The following RBPJ variants were observed in gnomAD, a reference collection of about 807,000 sequenced individuals.
The protein encoded by RBPJ is recombination signal binding protein for immunoglobulin kappa J region.
A neutral mutation model predicts 67.8 loss-of-function variants in RBPJ; 9 were observed. The observed-to-expected ratio is 0.13, with a 90% CI of 0.08 to 0.23. The LOEUF (loss-of-function observed/expected upper bound fraction) is 0.23, where lower values mean the gene tolerates loss of function less well. Among genes scored for constraint, RBPJ ranks in the 10% least tolerant of loss-of-function variants. The pLI is 1.00. For synonymous variants in RBPJ, 198 were observed against 203.3 expected, an observed-to-expected ratio of 0.97 and a Z score of 0.22; for missense variants, 305 against 595.6, an observed-to-expected ratio of 0.51 and a Z score of 5.08.
At chr4:26,199,139 G>A (rs946075228) in intron 1 of RBPJ, among the ~76,000 whole-genome samples, 6 of 152,176 alleles carry the variant, frequency 3.9e-5, no homozygotes, top group Non-Finnish European at 5.9e-5. Context: ...TCATCTGAGA[G>A]AAGTGATTAA....
the RBPJ span, among the ~76,000 whole-genome samples, chr4:26,153,966 T>G: frequency 7.4e-4 from 112 of 152,136 alleles, no homozygotes; most frequent in African/African-American, 2.6e-3. Flanking sequence ...AAGTTTCAGA[T>G]TTTGGAACAT....
intron 1 of RBPJ, among the ~76,000 whole-genome samples, chr4:26,352,472 A>G (rs890193070): frequency 9.9e-5 from 15 of 152,222 alleles, no homozygotes; most frequent in African/African-American, 3.6e-4. Context: ...GTAGGGGGAC[A>G]CAAACATTCA....
chr4:26,228,166 A>G (rs1577494561), intron 1 of RBPJ, among the ~76,000 whole-genome samples: 1 of 152,222 alleles, frequency 6.6e-6, no homozygotes, highest in Non-Finnish European at 1.5e-5. Context: ...AATCTGCCAC[A>G]GGGGTTTATT....
chr4:26,392,456 C>T (rs1731604696), intron 2 of RBPJ, among the ~76,000 whole-genome samples: 1 of 152,074 alleles, frequency 6.6e-6, no homozygotes, highest in South Asian at 2.1e-4. Flanking sequence ...GTAGTGTATT[C>T]TACAGTGAAT....
At chr4:26,420,881 G>T (rs1037092054) in intron 5 of RBPJ, 156 bp downstream of exon 5, 6 of 629,234 alleles carry the variant, frequency 9.5e-6, no homozygotes, top group Non-Finnish European at 1.6e-5. Flanking sequence ...ATCGTAAATC[G>T]ACAGTATGTG....
chr4:26,262,340 G>A (rs1298633776), intron 1 of RBPJ, among the ~76,000 whole-genome samples: 6 of 152,166 alleles, frequency 3.9e-5, no homozygotes, highest in Admixed American at 3.9e-4. Context: ...CTCCTGAGTA[G>A]CTCAGGCTTC....
chr4:26,412,287 C>T (rs954214993), intron 3 of RBPJ, among the ~76,000 whole-genome samples: 5 of 152,268 alleles, frequency 3.3e-5, no homozygotes, highest in African/African-American at 1.2e-4. Flanking sequence ...GGCTGGAGTA[C>T]AGTGGCACTA....
the RBPJ span, among the ~76,000 whole-genome samples, chr4:26,134,917 T>G: frequency 6.6e-6 from 1 of 152,158 alleles, no homozygotes; most frequent in Admixed American, 6.5e-5. Flanking sequence ...GACCATCATC[T>G]AAAGGAAACT....
chr4:26,388,960 G>A (rs564901734), intron 2 of RBPJ, among the ~76,000 whole-genome samples: 3 of 152,092 alleles, frequency 2.0e-5, no homozygotes, highest in Non-Finnish European at 4.4e-5. Flanking sequence ...TGTGGTTCAC[G>A]CCTGTAATCC....
chr4:26,107,184 C>T, the RBPJ span, among the ~76,000 whole-genome samples: 6 of 152,312 alleles, frequency 3.9e-5, no homozygotes, highest in Admixed American at 3.3e-4. Context: ...CAAGTTTAGT[C>T]TGGTATTGAA....
At chr4:26,149,890 T>C in the RBPJ span, among the ~76,000 whole-genome samples, 3 of 152,228 alleles carry the variant, frequency 2.0e-5, no homozygotes, top group Non-Finnish European at 4.4e-5. Flanking sequence ...TTTGCCAGCT[T>C]TACCAAACTT....
intron 1 of RBPJ, among the ~76,000 whole-genome samples, chr4:26,206,344 G>A (rs1267337671): frequency 6.6e-6 from 1 of 152,190 alleles, no homozygotes; most frequent in Admixed American, 6.5e-5. Flanking sequence ...TGTGAAATTA[G>A]CAGTTGCTTC....
chr4:26,133,287 G>A, the RBPJ span, among the ~76,000 whole-genome samples: 1 of 152,194 alleles, frequency 6.6e-6, no homozygotes, highest in African/African-American at 2.4e-5. Flanking sequence ...AAAAAACTGA[G>A]ACTCAAGGCC....
intron 1 of RBPJ, among the ~76,000 whole-genome samples, chr4:26,215,280 GA>G (rs1718662765): frequency 2.8e-5 from 3 of 108,626 alleles, no homozygotes; most frequent in Non-Finnish European, 3.6e-5. Context: ...AGGAAAAAGA[GA>G]GAGAAAGAAA....
At chr4:26,349,093 C>CGCGCGCGCGCAT (rs113326244) in intron 1 of RBPJ, among the ~76,000 whole-genome samples, 4 of 150,856 alleles carry the variant, frequency 2.7e-5, no homozygotes, top group Non-Finnish European at 4.4e-5. Flanking sequence ...TGTGTGCGCG[C>CGCGCGCGCGCAT]GCGCACGCAC....
At chr4:26,395,684 A>G (rs1401073241) in intron 2 of RBPJ, among the ~76,000 whole-genome samples, 2 of 152,134 alleles carry the variant, frequency 1.3e-5, no homozygotes, top group African/African-American at 2.4e-5. Context: ...ACCCCGAGCC[A>G]TTCACCAGAT....
At chr4:26,219,087 A>G (rs1473031475) in intron 1 of RBPJ, among the ~76,000 whole-genome samples, 1 of 152,232 alleles carries the variant, frequency 6.6e-6, no homozygotes, top group African/African-American at 2.4e-5. Flanking sequence ...GCAATACCGT[A>G]AGAGGAAGTA....
At chr4:26,418,570 T>C (rs1734816594) in intron 4 of RBPJ, among the ~76,000 whole-genome samples, 1 of 151,664 alleles carries the variant, frequency 6.6e-6, no homozygotes, top group Non-Finnish European at 1.5e-5. Flanking sequence ...TCCAACCTTC[T>C]TGGTTCTTTT....
intron 1 of RBPJ, among the ~76,000 whole-genome samples, chr4:26,342,265 C>CA (rs60781954): frequency 0.031 from 3,565 of 114,064 alleles, 110 homozygotes; most frequent in African/African-American, 0.086. Context: ...CCTGGGTTAT[C>CA]AAAAAAAAAA....
Sources: gnomAD v4.1 joint callset for allele counts (sites outside exome capture counted in the v4.1 genomes callset) on GRCh38, gnomAD v4.1.1 for gene constraint, MANE v1.5 for transcripts, NCBI Gene and HGNC (gene_info 2026-07-23, HGNC 2026-07-21) for gene names.